The following CHL1 variants were observed in gnomAD, a reference collection of about 807,000 sequenced individuals.
CHL1 encodes neural cell adhesion molecule L1-like protein.
Under a neutral mutation model 141.9 loss-of-function variants are expected in CHL1, and 96 were observed. The ratio of observed to expected loss-of-function variants is 0.68; its 90% CI spans 0.57 to 0.80. CHL1 has a LOEUF of 0.80. CHL1 is among the 30% of genes least tolerant of loss of function. The pLI is 0.00. For missense variants in CHL1, 1,820 were observed against 1,457.2 expected, an observed-to-expected ratio of 1.25 and a Z score of -4.05; for synonymous variants, 613 against 502.2, an observed-to-expected ratio of 1.22 and a Z score of -2.95.
chr3:398,941 C>G, intron 25 of CHL1, 76 bp from the exon 26 acceptor site: 3 of 1,396,988 alleles, frequency 2.1e-6, no homozygotes, highest in Non-Finnish European at 3.0e-6. Context: ...AAAATGATGT[C>G]TAATTTTCCC....
In CHL1 at chr3:325,994, G is replaced by C; in HGVS notation, c.127G>C (p.Val43Leu). ...QVPTIIKQSK[V>L]QVAFPFDEYF... ...TCCAACAATCATAAAACAGTCAAAA[G>C]TCCAAGTTGCCTTTCCCTTCGATGA... Residue 43 changes from valine (V) to leucine (L), a missense_variant, in exon 4 of 28, where the codon GTC (valine) becomes CTC (leucine). By Grantham distance (32) the Val-to-Leu change is conservative (BLOSUM62 1). Coordinates refer to ENST00000256509, the MANE Select transcript of CHL1 (RefSeq NM_006614.4). 6.2e-7 allele frequency: 1 copy of C among 1,611,720 alleles called. No individual in the cohort carries two copies. Among genetic ancestry groups the C allele is most frequent in the Non-Finnish European group, 8.5e-7 (1 of 1,178,606 alleles).
At position 383,941 on chromosome 3, in the gene CHL1, G is replaced by A. The variant is rs898793204; in HGVS notation, c.2247+55G>A. On this transcript the variant is annotated intron_variant, in intron 19 of 27. Coordinates refer to ENST00000256509, the MANE Select transcript of CHL1 (RefSeq NM_006614.4). The stretch of plus-strand genomic sequence containing the variant: ...CTTTGTGCTTTTCTCTTCCTCTTAG[G>A]TCTGCATGCTAACTACAATGATAGC... 8 of 1,194,660 alleles carry A rather than the reference G, an allele frequency of 6.7e-6. No homozygotes were observed. The African/African-American group carries it at 1.1e-4, about 16-fold the overall frequency. The allele number at this position is 1,194,660 out of a possible 1,614,324, so 74.0% of individuals were successfully genotyped here. A position where few individuals can be genotyped will look rare whatever the true frequency, so the allele number is the denominator to read the frequency against.
intron 1 of CHL1, among the ~76,000 whole-genome samples, chr3:208,782 T>C (rs1184479722): frequency 1.3e-5 from 2 of 152,152 alleles, no homozygotes; most frequent in Non-Finnish European, 2.9e-5. Context: ...TGTCCAAAAG[T>C]ATTAAAAAAT....
intron 2 of CHL1, among the ~76,000 whole-genome samples, chr3:274,922 T>G (rs1274421319): frequency 6.6e-6 from 1 of 152,222 alleles, no homozygotes; most frequent in African/African-American, 2.4e-5. Flanking sequence ...ATTATTCTGG[T>G]GGACGCATGT....
In CHL1 at chr3:383,451, A is replaced by T. The variant is rs560408888; in HGVS notation, c.2177-365A>T. Among the ~76,000 whole-genome samples the T allele has an allele frequency of 2.6e-5, 4 of 152,302 alleles. No homozygotes were observed. The South Asian group carries it at 8.3e-4, about 32-fold the overall frequency. ...ATATTCACAACATATGTTTCTAATG[A>T]CAATTCTAATAGAAAAAATAGAGCA... On this transcript the variant is annotated intron_variant, in intron 18 of 27. Coordinates refer to ENST00000256509, the MANE Select transcript of CHL1 (RefSeq NM_006614.4).
intron 2 of CHL1, among the ~76,000 whole-genome samples, chr3:276,736 A>C (rs1696153900): frequency 6.6e-6 from 1 of 151,854 alleles, no homozygotes; most frequent in African/African-American, 2.4e-5. Flanking sequence ...AAAAATACAA[A>C]AAATTAGCTG....
intron 1 of CHL1, among the ~76,000 whole-genome samples, chr3:202,020 T>C (rs766440927): frequency 6.6e-6 from 1 of 152,192 alleles, no homozygotes; most frequent in Non-Finnish European, 1.5e-5. Context: ...AAGCGAACTG[T>C]TGTGGTGGTT....
chr3:281,101 G>A (rs989460030), intron 2 of CHL1, among the ~76,000 whole-genome samples: 8 of 152,110 alleles, frequency 5.3e-5, no homozygotes, highest in African/African-American at 1.7e-4. Flanking sequence ...CAAGGGTAGA[G>A]ACCAGTGATT....
intron 27 of CHL1, among the ~76,000 whole-genome samples, chr3:404,692 A>C (rs1383827675): frequency 6.6e-6 from 1 of 152,204 alleles, no homozygotes; most frequent in African/African-American, 2.4e-5. Context: ...TTTTTAAAAA[A>C]GAACATTTTA....
intron 5 of CHL1, among the ~76,000 whole-genome samples, chr3:329,017 T>G (rs768184116): frequency 6.6e-6 from 1 of 152,148 alleles, no homozygotes; most frequent in Non-Finnish European, 1.5e-5. Context: ...GTAAATAAAA[T>G]TTGTGTAAAA....
intron 2 of CHL1, among the ~76,000 whole-genome samples, chr3:317,900 C>T (rs1017379238): frequency 4.6e-5 from 7 of 151,768 alleles, no homozygotes; most frequent in Admixed American, 6.6e-5. Context: ...CATAGTGACA[C>T]ATTGAACATA....
At chr3:377,388 G>A (rs1415795895) in intron 15 of CHL1, among the ~76,000 whole-genome samples, 1 of 152,170 alleles carries the variant, frequency 6.6e-6, no homozygotes, top group Non-Finnish European at 1.5e-5. Context: ...AGGTATTCTG[G>A]TTCTGTGGAA....
chr3:240,888 TAGA>T (rs1692494226), intron 1 of CHL1, among the ~76,000 whole-genome samples: 1 of 152,232 alleles, frequency 6.6e-6, no homozygotes, highest in Non-Finnish European at 1.5e-5. Context: ...GTTTGCTTTG[TAGA>T]AGATCAGTTG....
intron 2 of CHL1, among the ~76,000 whole-genome samples, chr3:297,588 A>G (rs886644965): frequency 1.3e-5 from 2 of 151,764 alleles, no homozygotes; most frequent in African/African-American, 4.9e-5. Context: ...AAATCATACA[A>G]TACTTCAAAC....
At chr3:370,120 T>A (rs1388479550) in intron 15 of CHL1, among the ~76,000 whole-genome samples, 1 of 152,224 alleles carries the variant, frequency 6.6e-6, no homozygotes, top group Non-Finnish European at 1.5e-5. Context: ...ACAAAATTAT[T>A]TAGGGACGAG....
At chr3:377,103 ATACTT>A (rs1184445427) in intron 15 of CHL1, among the ~76,000 whole-genome samples, 1 of 152,216 alleles carries the variant, frequency 6.6e-6, no homozygotes, top group Non-Finnish European at 1.5e-5. Context: ...AACTTGAAAA[ATACTT>A]TAATAGTTAT....
Position 281,981 on chromosome 3 carries a change from G to A in CHL1, c.-95+37289G>A, listed in dbSNP as rs144527263. ...ACTATTCTGCTAATCCTTACTTTTT[G>A]TTAGTGTTTAATTCATTTATGTCTT... On this transcript the variant is annotated intron_variant, in intron 2 of 27. Transcript: ENST00000256509. 8.7e-3 allele frequency among the ~76,000 whole-genome samples: 1,318 copies of A among 152,216 alleles called. 17 individuals are homozygous for A. Among genetic ancestry groups the A allele is most frequent in the African/African-American group, 0.03 (1,251 of 41,538 alleles).
chr3:320,571 C>T (rs1353495864), intron 3 of CHL1, among the ~76,000 whole-genome samples: 1 of 151,928 alleles, frequency 6.6e-6, no homozygotes, highest in Non-Finnish European at 1.5e-5. Flanking sequence ...ACTGTAGTCC[C>T]ACCTATTTAG....
At chr3:382,841 G>T in intron 18 of CHL1, 170 bp downstream of exon 18, 2 of 626,354 alleles carry the variant, frequency 3.2e-6, no homozygotes, top group Non-Finnish European at 5.5e-6. Flanking sequence ...AGTTTCAGAA[G>T]TGTTACATAC....
Sources: gnomAD v4.1 joint callset for allele counts (sites outside exome capture counted in the v4.1 genomes callset) on GRCh38, gnomAD v4.1.1 for gene constraint, MANE v1.5 for transcripts, NCBI Gene and HGNC (gene_info 2026-07-23, HGNC 2026-07-21) for gene names.